The following CNOT6L variants were observed in gnomAD, a reference collection of about 807,000 sequenced individuals.
CNOT6L encodes CCR4-NOT transcription complex subunit 6-like.
In CNOT6L, 7 loss-of-function variants were observed where a neutral mutation model predicts 64.0. The ratio of observed to expected loss-of-function variants is 0.11; its 90% confidence interval spans 0.06 to 0.21. CNOT6L has a LOEUF of 0.21. Among genes scored for constraint, CNOT6L ranks in the 10% least tolerant of loss-of-function variants. The probability of loss-of-function intolerance (pLI) is 1.00; values close to 1 mark genes in which losing one functional copy is unlikely to be tolerated. For synonymous variants in CNOT6L, 193 were observed against 243.4 expected (o/e 0.79, Z 1.93); for missense variants, 245 against 669.0 (o/e 0.37, Z 6.99).
At chr4:77,815,225 C>T (rs973228695) in intron 1 of CNOT6L, among the ~76,000 whole-genome samples, 1 of 152,114 alleles carries the variant, frequency 6.6e-6, no homozygotes, top group Admixed American at 6.5e-5. Context: ...CTGATCTGAA[C>T]TGATTTCAAA....
chr4:77,804,825 T>C (rs1408183343), intron 1 of CNOT6L, among the ~76,000 whole-genome samples: 2 of 152,088 alleles, frequency 1.3e-5, no homozygotes, highest in African/African-American at 2.4e-5. Context: ...TGAAAAAAGA[T>C]GTTTTCAAAT....
chr4:77,714,438 T>TAA lies in CNOT6L; in HGVS notation c.*5991_*5992dup, dbSNP rs201499481. The TAA allele has an allele frequency of 5.9e-5, 8 of 134,678 alleles. No homozygotes were observed. Among genetic ancestry groups the TAA allele is most frequent in the East Asian group, 2.1e-4 (1 of 4,714 alleles). 8.3% of individuals were successfully genotyped at this position (134,678 alleles called of 1,614,324 possible). On this transcript the variant is annotated 3_prime_UTR_variant, in exon 12 of 12. Transcript: ENST00000504123. ...AGAAAAAGTACATACACACTCTCTTTAAAAAAAAAAAAAAAAAAAAAAAAA... is the reference window on the plus strand; with the variant it reads ...AGAAAAAGTACATACACACTCTCTTTAAAAAAAAAAAAAAAAAAAAAAAAAAA...
chr4:77,730,297 G>A (rs190141825), intron 9 of CNOT6L, among the ~76,000 whole-genome samples: 1 of 152,076 alleles, frequency 6.6e-6, no homozygotes, highest in African/African-American at 2.4e-5. Context: ...TCTTCTAAGC[G>A]ATCTTCTTTT....
chr4:77,784,053 A>G (rs1182638039), intron 1 of CNOT6L, among the ~76,000 whole-genome samples: 2 of 152,158 alleles, frequency 1.3e-5, no homozygotes, highest in Non-Finnish European at 2.9e-5. Flanking sequence ...TAATCCGAAG[A>G]TAACTTTACG....
intron 1 of CNOT6L, among the ~76,000 whole-genome samples, chr4:77,806,836 C>T (rs1357767842): frequency 1.3e-5 from 2 of 152,160 alleles, no homozygotes; most frequent in African/African-American, 4.8e-5. Flanking sequence ...TCACCACCAC[C>T]CCTGAACCTG....
Position 77,764,699 on chromosome 4 carries a change from C to T in CNOT6L, c.401-7748G>A, listed in dbSNP as rs151179706. 1.1e-4 allele frequency among the ~76,000 whole-genome samples: 16 copies of T among 152,210 alleles called. 2 individuals are homozygous for T. The East Asian group carries it at 3.1e-3, about 29-fold the overall frequency. On this transcript the variant is annotated intron_variant, in intron 4 of 11. Transcript: ENST00000504123. ...AGCAATCGGCCAACTTTAGGTATCA[C>T]CTTTTGTCAGAACTCGGAATTATGA...
At chr4:77,728,319 C>G (rs2109880788) in intron 10 of CNOT6L, among the ~76,000 whole-genome samples, 1 of 152,340 alleles carries the variant, frequency 6.6e-6, no homozygotes, top group African/African-American at 2.4e-5. Flanking sequence ...CACTCTGTGC[C>G]TCAGGCAGCT....
chr4:77,726,087 A>G (rs1223154628), intron 11 of CNOT6L, 80 bp downstream of exon 11: 1 of 1,237,768 alleles, frequency 8.1e-7, no homozygotes, highest in Non-Finnish European at 1.2e-6. Context: ...TATACAATTA[A>G]TCATAAAGAA....
At chr4:77,783,950 T>C (rs954026623) in intron 1 of CNOT6L, among the ~76,000 whole-genome samples, 4 of 150,974 alleles carry the variant, frequency 2.6e-5, no homozygotes, top group African/African-American at 9.7e-5. Flanking sequence ...ACACTAGTTA[T>C]CTGTGCAAAT....
chr4:77,800,632 T>C lies in CNOT6L; in HGVS notation c.5+18672A>G, dbSNP rs536162619. ...TGAACCAAATTATACAATATTTTAA[T>C]GTTAGATAAACATAAAAGTTGTGTA... On this transcript the variant is annotated intron_variant, in intron 1 of 11. Coordinates refer to ENST00000504123, the MANE Select transcript of CNOT6L (RefSeq NM_144571.3). Among the ~76,000 whole-genome samples the C allele has an allele frequency of 6.6e-5, 10 of 152,356 alleles. 1 individual carries two copies. The South Asian group carries it at 1.9e-3, about 28-fold the overall frequency.
intron 1 of CNOT6L, among the ~76,000 whole-genome samples, chr4:77,787,618 A>G (rs750694429): frequency 1.1e-4 from 17 of 152,152 alleles, no homozygotes; most frequent in Non-Finnish European, 2.4e-4. Context: ...TCAAATCTAA[A>G]ATGTGTACTC....
At chr4:77,783,032 T>C (rs953185067) in intron 1 of CNOT6L, among the ~76,000 whole-genome samples, 1 of 152,026 alleles carries the variant, frequency 6.6e-6, no homozygotes, top group African/African-American at 2.4e-5. Context: ...GTGGATGGCA[T>C]TTGTCTTTCT....
intron 8 of CNOT6L, among the ~76,000 whole-genome samples, chr4:77,734,524 A>C (rs1366223850): frequency 6.6e-6 from 1 of 152,162 alleles, no homozygotes; most frequent in Non-Finnish European, 1.5e-5. Context: ...TACGTATTTT[A>C]ACTAATGCCG....
chr4:77,776,193 C>A, intron 2 of CNOT6L, 78 bp downstream of exon 2: 1 of 1,442,234 alleles, frequency 6.9e-7, no homozygotes, highest in South Asian at 1.3e-5. Context: ...TAAAAATGTA[C>A]AACAAAAAAT....
intron 2 of CNOT6L, 26 bp downstream of exon 2, chr4:77,776,245 G>A: frequency 6.2e-7 from 1 of 1,605,172 alleles, no homozygotes; most frequent in Non-Finnish European, 8.5e-7. Flanking sequence ...TTACATTCCA[G>A]ATTAAATGCT....
intron 1 of CNOT6L, among the ~76,000 whole-genome samples, chr4:77,789,654 C>T (rs1729876241): frequency 1.3e-5 from 2 of 149,760 alleles, no homozygotes; most frequent in African/African-American, 4.9e-5. Flanking sequence ...AGGGAAACCC[C>T]GCCTCAAAAA....
intron 1 of CNOT6L, 59 bp downstream of exon 1, chr4:77,819,245 G>A: frequency 6.2e-7 from 1 of 1,613,026 alleles, no homozygotes; most frequent in South Asian, 1.1e-5. Context: ...CATTTCCCCG[G>A]GGACGCGCTC....
At chr4:77,743,047 G>C (rs994762305) in intron 7 of CNOT6L, among the ~76,000 whole-genome samples, 2 of 151,994 alleles carry the variant, frequency 1.3e-5, no homozygotes, top group African/African-American at 4.8e-5. Flanking sequence ...TAGTAACATG[G>C]AAAATCCATT....
intron 1 of CNOT6L, among the ~76,000 whole-genome samples, chr4:77,817,923 C>G (rs1733754388): frequency 6.6e-6 from 1 of 152,202 alleles, no homozygotes. Context: ...AGTAGAAAAG[C>G]ACATTAGCAA....
Sources: gnomAD v4.1 joint callset for allele counts (sites outside exome capture counted in the v4.1 genomes callset) on GRCh38, gnomAD v4.1.1 for gene constraint, MANE v1.5 for transcripts, NCBI Gene and HGNC (gene_info 2026-07-23, HGNC 2026-07-21) for gene names.